Variants in DMXL2 observed in about 807,000 individuals in gnomAD.
DMXL2 encodes dmX-like protein 2.
A neutral mutation model predicts 331.1 loss-of-function variants in DMXL2; 103 were observed. The ratio of observed to expected loss-of-function variants is 0.31; its 90% CI spans 0.27 to 0.37. The LOEUF is 0.37. Among genes scored for constraint, DMXL2 ranks in the 10% least tolerant of loss-of-function variants. The pLI is 1.00. For synonymous variants in DMXL2, 1,281 were observed against 1,252.1 expected, an observed-to-expected ratio of 1.02 and a Z score of -0.49; for missense variants, 3,171 against 3,642.9, an observed-to-expected ratio of 0.87 and a Z score of 3.33.
At position 51,536,665 on chromosome 15, in the gene DMXL2, G is replaced by A. The variant is rs774511919; in HGVS notation, c.1815C>T (p.Ile605=). The A allele has an allele frequency of 3.1e-6, 5 of 1,614,150 alleles. No individual in the cohort carries two copies. Among genetic ancestry groups the A allele is most frequent in the Non-Finnish European group, 4.2e-6 (5 of 1,180,000 alleles). The change falls in exon 12 of 44, where the codon ATC becomes ATT. Residue 605 remains isoleucine, a synonymous_variant. Transcript: ENST00000560891. The part of the protein sequence containing the change: ...HSRSHSTHMN[I]LAPTVMMISK... ...AGATCATCATTACTGTGGGAGCTAA[G>A]ATGTTCATATGTGTACTGTGGGATC...
At chr15:51,597,312 C>A (rs1344602889) in intron 1 of DMXL2, among the ~76,000 whole-genome samples, 1 of 152,154 alleles carries the variant, frequency 6.6e-6, no homozygotes, top group Non-Finnish European at 1.5e-5. Flanking sequence ...TAGCCACTAC[C>A]CTTTTTGGGA....
chr15:51,560,446 A>T (rs2049879662), intron 6 of DMXL2, among the ~76,000 whole-genome samples: 1 of 149,458 alleles, frequency 6.7e-6, no homozygotes, highest in Non-Finnish European at 1.5e-5. Context: ...AATTTAGGGC[A>T]TCATAAATAA....
chr15:51,507,206 C>A lies in DMXL2; in HGVS notation c.2692G>T (p.Glu898Ter). The change falls in exon 16 of 44, where the codon GAG becomes TAG. Residue 898 changes from glutamate (E) to a stop codon, truncating the protein, a stop_gained. Transcript: ENST00000560891. LOFTEE classifies it high-confidence loss of function. ...FSEKFFLVVI[E>*]KDSNNNSILH... ...ATAGAGTTATTATTGCTGTCCTTCT[C>A]AATTACTACTAGAAAGAACTTTTCT... 6.2e-7 allele frequency: 1 copy of A among 1,611,368 alleles called. No individual in the cohort carries two copies. The highest frequency in any genetic ancestry group is 8.5e-7 in the Non-Finnish European group (1 of 1,178,400).
intron 26 of DMXL2, among the ~76,000 whole-genome samples, chr15:51,477,555 G>A (rs2041684872): frequency 6.6e-6 from 1 of 151,940 alleles, no homozygotes; most frequent in African/African-American, 2.4e-5. Flanking sequence ...GATACCAAAT[G>A]TTCCCACAAA....
In DMXL2 at chr15:51,549,310, G is replaced by A. The variant is rs545518649; in HGVS notation, c.568-1902C>T. On this transcript the variant is annotated intron_variant, in intron 6 of 43. Transcript: ENST00000560891. ...TTTCATTCCTTTTTATGGCTGAATA[G>A]CATTCCATGGTGTGTATATATATAT... Among the ~76,000 whole-genome samples, 3 of 136,704 alleles carry A rather than the reference G, an allele frequency of 2.2e-5. No individual in the cohort carries two copies. The South Asian group carries it at 7.0e-4, about 32-fold the overall frequency. 89.7% of individuals were successfully genotyped at this position (136,704 alleles called of 152,430 possible). A position where few individuals can be genotyped will look rare whatever the true frequency, so the allele number is the denominator to read the frequency against.
chr15:51,612,466 A>G (rs1424384648), intron 1 of DMXL2, among the ~76,000 whole-genome samples: 1 of 152,118 alleles, frequency 6.6e-6, no homozygotes, highest in Non-Finnish European at 1.5e-5. Flanking sequence ...AAATAAAGGG[A>G]AAGAGTACAA....
intron 23 of DMXL2, among the ~76,000 whole-genome samples, chr15:51,485,286 C>T (rs562502131): frequency 5.3e-5 from 8 of 152,278 alleles, no homozygotes; most frequent in Admixed American, 5.2e-4. Flanking sequence ...TAAAAAGATC[C>T]TCTCCAAGGC....
At chr15:51,537,419 C>A in intron 11 of DMXL2, 69 bp downstream of exon 11, 1 of 1,442,746 alleles carries the variant, frequency 6.9e-7, no homozygotes, top group Non-Finnish European at 9.2e-7. Context: ...AACATGCTAA[C>A]TCTACAAAGC....
intron 6 of DMXL2, among the ~76,000 whole-genome samples, chr15:51,554,341 A>C (rs79155655): frequency 6.6e-6 from 1 of 152,356 alleles, no homozygotes; most frequent in African/African-American, 2.4e-5. Context: ...GAGTTTTTTC[A>C]GTCAAATTTT....
chr15:51,480,172 T>C lies in DMXL2; in HGVS notation c.6565-33A>G, dbSNP rs973711617. On this transcript the variant is annotated intron_variant, in intron 24 of 43. Transcript: ENST00000560891. ...TGATAGTGAATTATTTTTTTCAAAG[T>C]AGTTTAAAAAATTTTATCAGTTCTC... The C allele has an allele frequency of 1.0e-5, 15 of 1,479,040 alleles. No individual in the cohort carries two copies. The Admixed American group carries it at 2.5e-4, about 24-fold the overall frequency. 91.6% of individuals were successfully genotyped at this position (1,479,040 alleles called of 1,614,324 possible). A position where few individuals can be genotyped will look rare whatever the true frequency, so the allele number is the denominator to read the frequency against.
chr15:51,458,567 A>T lies in DMXL2; in HGVS notation c.8137T>A (p.Ser2713Thr). 1 of 1,613,990 alleles carries T rather than the reference A, an allele frequency of 6.2e-7. No individual in the cohort carries two copies. Among genetic ancestry groups the T allele is most frequent in the Non-Finnish European group, 8.5e-7 (1 of 1,179,868 alleles). ...THDVQELDVT[S>T]LLACQSYIWI... Reference sequence around the variant, plus strand: ...ATGTATGACTGACAGGCCAGTAGAGAAGTAACATCAAGTTCTTGAACATCA... The same window carrying T: ...ATGTATGACTGACAGGCCAGTAGAGTAGTAACATCAAGTTCTTGAACATCA... Residue 2713 changes from serine to threonine, a missense_variant, in exon 36 of 44, where the codon TCT (serine) becomes ACT (threonine). Ser to Thr is a moderately conservative substitution (Grantham distance 58). This residue lies in a region of DMXL2 where 766 missense variants were observed against 940.5 expected (regional missense o/e 0.81). Coordinates refer to ENST00000560891, the MANE Select transcript of DMXL2 (RefSeq NM_001378457.1).
At chr15:51,547,988 GGGCCACAGTTCTCCGA>G (rs2048982232) in intron 6 of DMXL2, among the ~76,000 whole-genome samples, 2 of 151,964 alleles carry the variant, frequency 1.3e-5, no homozygotes, top group African/African-American at 4.8e-5. Flanking sequence ...CTTAGCTCTT[GGGCCACAGTTCTCCGA>G]TCCCTACTCT....
chr15:51,480,414 A>G, intron 24 of DMXL2, 128 bp downstream of exon 24: 1 of 1,183,556 alleles, frequency 8.4e-7, no homozygotes, highest in Non-Finnish European at 1.1e-6. Context: ...TCTGCCTCCT[A>G]TAAAGAGAGG....
intron 14 of DMXL2, among the ~76,000 whole-genome samples, chr15:51,516,086 A>G (rs2047022032): frequency 6.6e-6 from 1 of 152,142 alleles, no homozygotes; most frequent in Admixed American, 6.5e-5. Flanking sequence ...CACTAAAGAA[A>G]ATTTATGATG....
At chr15:51,535,627 C>A in intron 13 of DMXL2, 36 bp downstream of exon 13, 1 of 1,539,918 alleles carries the variant, frequency 6.5e-7, no homozygotes, top group South Asian at 1.2e-5. Context: ...TTCTTTATCT[C>A]CTTAGATAAA....
chr15:51,607,633 A>G (rs1479234586), intron 1 of DMXL2, among the ~76,000 whole-genome samples: 1 of 152,228 alleles, frequency 6.6e-6, no homozygotes, highest in Non-Finnish European at 1.5e-5. Flanking sequence ...TAATTTACAG[A>G]TTTGAAAACT....
intron 18 of DMXL2, among the ~76,000 whole-genome samples, 173 bp from the exon 19 acceptor site, chr15:51,495,307 A>G (rs954133934): frequency 6.6e-6 from 1 of 152,192 alleles, no homozygotes; most frequent in African/African-American, 2.4e-5. Context: ...TTTACAAAAA[A>G]AAATGTGACT....
At chr15:51,469,347 G>T (rs2040882508) in intron 29 of DMXL2, among the ~76,000 whole-genome samples, 1 of 151,950 alleles carries the variant, frequency 6.6e-6, no homozygotes, top group African/African-American at 2.4e-5. Flanking sequence ...GTAGATAAAA[G>T]ATTCATATGC....
chr15:51,512,566 T>G (rs1596072024), intron 15 of DMXL2, among the ~76,000 whole-genome samples: 2 of 152,262 alleles, frequency 1.3e-5, no homozygotes, highest in Admixed American at 1.3e-4. Flanking sequence ...ATCCCAGCAC[T>G]TTGGGAGTCA....
Sources: gnomAD v4.1 joint callset for allele counts (sites outside exome capture counted in the v4.1 genomes callset) on GRCh38, gnomAD v4.1.1 for gene constraint, gnomAD v4.1.1 regional missense constraint, MANE v1.5 for transcripts, NCBI Gene and HGNC (gene_info 2026-07-23, HGNC 2026-07-21) for gene names.